The following VWC2 variants were observed in gnomAD, a reference collection of about 807,000 sequenced individuals.
VWC2 encodes the protein brorin.
A neutral mutation model predicts 29.8 loss-of-function variants in VWC2; 14 were observed. The ratio of observed to expected loss-of-function variants is 0.47; its 90% CI spans 0.31 to 0.74. VWC2 has a LOEUF of 0.74. VWC2 is among the 30% of genes least tolerant of loss of function. VWC2 has a pLI of 0.05. For synonymous variants in VWC2, 213 were observed against 199.0 expected, an observed-to-expected ratio of 1.07 and a Z score of -0.59; for missense variants, 457 against 459.8, an observed-to-expected ratio of 0.99 and a Z score of 0.05.
intron 3 of VWC2, among the ~76,000 whole-genome samples, chr7:49,903,364 A>G (rs1339277569): frequency 6.6e-6 from 1 of 152,238 alleles, no homozygotes; most frequent in Non-Finnish European, 1.5e-5. Flanking sequence ...TTAAATTATT[A>G]AACTGTGGTA....
At chr7:49,853,132 G>A (rs1790263310) in intron 3 of VWC2, among the ~76,000 whole-genome samples, 1 of 152,248 alleles carries the variant, frequency 6.6e-6, no homozygotes, top group Non-Finnish European at 1.5e-5. Context: ...CAGGGCTGCG[G>A]GCTCTGAACA....
chr7:49,843,958 A>G (rs937815676), intron 3 of VWC2, among the ~76,000 whole-genome samples: 2 of 152,338 alleles, frequency 1.3e-5, no homozygotes, highest in African/African-American at 4.8e-5. Context: ...GACTCATTCT[A>G]TTACAGGGGC....
chr7:49,841,691 A>G lies in VWC2; in HGVS notation c.826+38851A>G, dbSNP rs576128530. 5.9e-5 allele frequency among the ~76,000 whole-genome samples: 9 copies of G among 152,286 alleles called. No homozygotes were observed. The South Asian group carries it at 1.7e-3, about 28-fold the overall frequency. ...TAGAAATGTACTTAGCATGGTTTGC[A>G]TTTCTTCTAATCATTCATCCTACTT... On this transcript the variant is annotated intron_variant, in intron 3 of 3. Coordinates refer to ENST00000340652, the MANE Select transcript of VWC2 (RefSeq NM_198570.5).
chr7:49,845,312 A>G (rs1789910385), intron 3 of VWC2, among the ~76,000 whole-genome samples: 1 of 152,170 alleles, frequency 6.6e-6, no homozygotes, highest in African/African-American at 2.4e-5. Flanking sequence ...AAGGTGATAG[A>G]TGATTTAAAT....
chr7:49,872,915 C>CAAAAAAAAAAAAAA (rs61473396), intron 3 of VWC2, among the ~76,000 whole-genome samples: 12 of 33,950 alleles, frequency 3.5e-4, no homozygotes, highest in South Asian at 1.6e-3. Flanking sequence ...GACTTTGTCT[C>CAAAAAAAAAAAAAA]AAAAAAAAAA....
chr7:49,782,196 G>A (rs1253971902), intron 2 of VWC2, among the ~76,000 whole-genome samples: 2 of 152,184 alleles, frequency 1.3e-5, no homozygotes, highest in Non-Finnish European at 2.9e-5. Context: ...GCCCCTTTGG[G>A]AGGGCATTTG....
At chr7:49,849,026 C>G (rs1024123561) in intron 3 of VWC2, among the ~76,000 whole-genome samples, 3 of 152,186 alleles carry the variant, frequency 2.0e-5, no homozygotes, top group African/African-American at 7.2e-5. Context: ...CTCTATTTCT[C>G]TTTAGGTCCT....
In VWC2 at chr7:49,912,304, G is replaced by T. The variant is rs1793498980; in HGVS notation, c.*119G>T. The T allele has an allele frequency of 5.5e-6, 6 of 1,094,004 alleles. No individual in the cohort carries two copies. Among genetic ancestry groups the T allele is most frequent in the Non-Finnish European group, 7.6e-6 (6 of 788,826 alleles). 67.8% of individuals were successfully genotyped at this position (1,094,004 alleles called of 1,614,324 possible). On this transcript the variant is annotated 3_prime_UTR_variant, in exon 4 of 4. Transcript: ENST00000340652. Reference sequence around the variant, plus strand: ...TTTTGATGAGGAATAATGGAAAATTGTTGGTACTTTTCCTTTTCTTGATAA... The same window carrying T: ...TTTTGATGAGGAATAATGGAAAATTTTTGGTACTTTTCCTTTTCTTGATAA...
rs188251299 is a variant in VWC2, at chr7:49,843,838, A to G, written c.826+40998A>G. ...ATGACAGTTCATCTTAGAAAACGCAATCTGTCAGTTGTGCAGAGGATGAAT... is the reference window on the plus strand; with the variant it reads ...ATGACAGTTCATCTTAGAAAACGCAGTCTGTCAGTTGTGCAGAGGATGAAT... On this transcript the variant is annotated intron_variant, in intron 3 of 3. Coordinates refer to ENST00000340652, the MANE Select transcript of VWC2 (RefSeq NM_198570.5). Among the ~76,000 whole-genome samples the G allele has an allele frequency of 1.0e-3, 155 of 152,326 alleles. 1 individual carries two copies. Among genetic ancestry groups the G allele is most frequent in the African/African-American group, 3.7e-3 (154 of 41,588 alleles).
At chr7:49,886,203 G>A (rs1562752944) in intron 3 of VWC2, among the ~76,000 whole-genome samples, 1 of 152,138 alleles carries the variant, frequency 6.6e-6, no homozygotes, top group South Asian at 2.1e-4. Flanking sequence ...GAAGTGAGGG[G>A]ACCTTGGTAA....
intron 3 of VWC2, among the ~76,000 whole-genome samples, chr7:49,817,462 A>G (rs2128708629): frequency 6.6e-6 from 1 of 152,354 alleles, no homozygotes; most frequent in East Asian, 1.9e-4. Flanking sequence ...AACCCTGTAG[A>G]TGACTTGCCC....
At chr7:49,911,959 T>C in intron 3 of VWC2, 75 bp from the exon 4 acceptor site, 3 of 555,438 alleles carry the variant, frequency 5.4e-6, no homozygotes, top group Non-Finnish European at 7.6e-6. Flanking sequence ...ATATATACTG[T>C]AATGCTTAAT....
chr7:49,903,749 G>T (rs1442750228), intron 3 of VWC2, among the ~76,000 whole-genome samples: 1 of 152,150 alleles, frequency 6.6e-6, no homozygotes, highest in Non-Finnish European at 1.5e-5. Flanking sequence ...AGGGTTTGTG[G>T]TCTTGCTCCA....
At chr7:49,820,185 A>G (rs1344974590) in intron 3 of VWC2, among the ~76,000 whole-genome samples, 2 of 152,196 alleles carry the variant, frequency 1.3e-5, no homozygotes, top group Middle Eastern at 3.4e-3. Flanking sequence ...ATTACTTTTA[A>G]TACCTCAGGA....
chr7:49,831,465 T>C (rs1410461417), intron 3 of VWC2, among the ~76,000 whole-genome samples: 1 of 152,216 alleles, frequency 6.6e-6, no homozygotes, highest in East Asian at 1.9e-4. Context: ...ATTATGATAC[T>C]TGAGTGCTTA....
At chr7:49,922,032 A>G (rs376685624), downstream of VWC2, 4 of 152,212 alleles carry the variant, frequency 2.6e-5, no homozygotes, top group East Asian at 3.8e-4. Flanking sequence ...AGCAAGATAA[A>G]TAAAATGTAT....
chr7:49,789,174 AGCATGTGTGTGGGT>A (rs1208070831), intron 2 of VWC2, among the ~76,000 whole-genome samples: 2 of 121,574 alleles, frequency 1.6e-5, no homozygotes, highest in South Asian at 5.6e-4. Flanking sequence ...TGTGTGTGTT[AGCATGTGTGTGGGT>A]GCATGTGTGA....
In VWC2 at chr7:49,913,539, G is replaced by C. The variant is rs1347319671; in HGVS notation, c.*1354G>C. On this transcript the variant is annotated 3_prime_UTR_variant, in exon 4 of 4. Coordinates refer to ENST00000340652, the MANE Select transcript of VWC2 (RefSeq NM_198570.5). The stretch of plus-strand genomic sequence containing the variant: ...ATAATCATTATTTGAAGCCTCTAAA[G>C]GTATTTTTCATATTTTTGTTTATTC... The C allele has an allele frequency of 6.6e-6, 1 of 152,136 alleles. No individual in the cohort carries two copies. The highest frequency in any genetic ancestry group is 1.9e-4 in the East Asian group (1 of 5,198). The allele number at this position is 152,136 out of a possible 1,614,324, so 9.4% of individuals were successfully genotyped here. A position where few individuals can be genotyped will look rare whatever the true frequency, so the allele number is the denominator to read the frequency against.
chr7:49,809,855 A>G (rs181107117), intron 3 of VWC2, among the ~76,000 whole-genome samples: 4 of 152,196 alleles, frequency 2.6e-5, no homozygotes, highest in Non-Finnish European at 4.4e-5. Context: ...CAAACTAGGC[A>G]TAAAAGGGAA....
Sources: gnomAD v4.1 joint callset for allele counts (sites outside exome capture counted in the v4.1 genomes callset) on GRCh38, gnomAD v4.1.1 for gene constraint, MANE v1.5 for transcripts, NCBI Gene and HGNC (gene_info 2026-07-23, HGNC 2026-07-21) for gene names.